The following MIER3 variants were observed in gnomAD, a reference collection of about 807,000 sequenced individuals.
MIER3 encodes mesoderm induction early response protein 3.
Under a neutral mutation model 63.2 loss-of-function variants are expected in MIER3, and 9 were observed. The ratio of observed to expected loss-of-function variants is 0.14; its 90% confidence interval spans 0.09 to 0.25. MIER3 has a LOEUF of 0.25. Among genes scored for constraint, MIER3 ranks in the 10% least tolerant of loss-of-function variants. The probability of loss-of-function intolerance (pLI) is 1.00; values close to 1 mark genes in which losing one functional copy is unlikely to be tolerated. For missense variants in MIER3, 512 were observed against 666.2 expected (o/e 0.77, Z 2.55); for synonymous variants, 205 against 224.9 (o/e 0.91, Z 0.79).
intron 1 of MIER3, among the ~76,000 whole-genome samples, chr5:56,951,450 G>A (rs1751026240): frequency 1.3e-5 from 2 of 152,130 alleles, no homozygotes; most frequent in Admixed American, 1.3e-4. Context: ...CTCTCCTGGA[G>A]AGGGCGTCGA....
chr5:56,941,649 G>C (rs1270953002), intron 3 of MIER3: 3 of 152,234 alleles, frequency 2.0e-5, no homozygotes, highest in Non-Finnish European at 2.9e-5. Context: ...GGGCCTCAGG[G>C]CCAGGGAAAG....
At chr5:56,931,662 G>A (rs1750271595) in intron 8 of MIER3, among the ~76,000 whole-genome samples, 1 of 152,120 alleles carries the variant, frequency 6.6e-6, no homozygotes. Flanking sequence ...TATTCTTAAT[G>A]TAAAAACCTT....
chr5:56,930,375 A>G (rs1247807777), intron 9 of MIER3, among the ~76,000 whole-genome samples: 2 of 151,692 alleles, frequency 1.3e-5, no homozygotes, highest in African/African-American at 4.8e-5. Context: ...TCATAAAACC[A>G]TTCTTTTTAA....
Position 56,947,009 on chromosome 5 carries a change from A to G in MIER3, c.97T>C (p.Tyr33His). The change falls in exon 3 of 13, where the codon TAT becomes CAT. Residue 33 changes from tyrosine (Y) to histidine (H), a missense_variant. Tyr to His is a moderately conservative substitution (Grantham distance 83). Transcript: ENST00000381199. The stretch of plus-strand genomic sequence containing the variant: ...TCTTCAAGAGTTCTTTCATCATCAT[A>G]GTCATGGACCAACATCTCAGCAGTG... The part of the protein sequence containing the change: ...DPTAEMLVHD[Y>H]DDERTLEEEE... 1 of 1,610,332 alleles carries G rather than the reference A, an allele frequency of 6.2e-7. No homozygotes were observed. Among genetic ancestry groups the G allele is most frequent in the Non-Finnish European group, 8.5e-7 (1 of 1,178,794 alleles).
chr5:56,925,084 A>G (rs1170036041), intron 10 of MIER3, among the ~76,000 whole-genome samples: 1 of 152,224 alleles, frequency 6.6e-6, no homozygotes, highest in Non-Finnish European at 1.5e-5. Context: ...GAATGGATAG[A>G]GTAAATTTCA....
intron 3 of MIER3, among the ~76,000 whole-genome samples, chr5:56,943,981 AT>A (rs1326980532): frequency 1.3e-5 from 2 of 152,182 alleles, no homozygotes; most frequent in Non-Finnish European, 2.9e-5. Flanking sequence ...AGAGAACCAG[AT>A]TTAGGGCAAA....
chr5:56,935,765 A>C lies in MIER3; in HGVS notation c.437-14T>G, dbSNP rs765475828. On this transcript the variant is annotated splice_polypyrimidine_tract_variant and intron_variant, in intron 5 of 12. Coordinates refer to ENST00000381199, the MANE Select transcript of MIER3 (RefSeq NM_001297599.2). Reference sequence around the variant, plus strand: ...ATGCAGTATTTGCTTAAAAGACAAAAATTAAAAAGGTTTTTACTGCCTATT... The same window carrying C: ...ATGCAGTATTTGCTTAAAAGACAAACATTAAAAAGGTTTTTACTGCCTATT... The C allele has an allele frequency of 2.5e-6, 4 of 1,606,174 alleles. No homozygotes were observed. Among genetic ancestry groups the C allele is most frequent in the South Asian group, 2.2e-5 (2 of 89,862 alleles).
intron 3 of MIER3, among the ~76,000 whole-genome samples, chr5:56,943,950 G>T (rs571126757): frequency 6.6e-6 from 1 of 152,146 alleles, no homozygotes; most frequent in South Asian, 2.1e-4. Context: ...TGTTCTGTAA[G>T]TCAAAGGATT....
chr5:56,923,575 G>C lies in MIER3; in HGVS notation c.1206C>G (p.Asn402Lys), dbSNP rs762510746. ...FTASDLTALT[N>K]SVATVCDPTD... Reference sequence around the variant, plus strand: ...TGGGGTCGCAGACGGTTGCTACACTGTTGGTCAAAGCTAAAAAGGAATGGA... The same window carrying C: ...TGGGGTCGCAGACGGTTGCTACACTCTTGGTCAAAGCTAAAAAGGAATGGA... The change falls in exon 13 of 13, where the codon AAC becomes AAG. Residue 402 changes from asparagine (N) to lysine (K), a missense_variant. Transcript: ENST00000381199. The C allele has an allele frequency of 1.2e-5, 19 of 1,612,804 alleles. No individual in the cohort carries two copies. Among genetic ancestry groups the C allele is most frequent in the Non-Finnish European group, 1.6e-5 (19 of 1,178,988 alleles).
chr5:56,942,018 G>GA (rs11401749), intron 3 of MIER3, among the ~76,000 whole-genome samples: 3,277 of 151,952 alleles, frequency 0.022, 125 homozygotes, highest in African/African-American at 0.076. Context: ...GGTTTTTGAA[G>GA]AAAAAAACAA....
At chr5:56,933,129 T>G in intron 8 of MIER3, 118 bp downstream of exon 8, 1 of 1,138,022 alleles carries the variant, frequency 8.8e-7, no homozygotes, top group Non-Finnish European at 1.2e-6. Context: ...TTTTGCATAT[T>G]TTAAAACTCT....
Position 56,952,083 on chromosome 5 carries a change from TC to T in MIER3, c.9+10del. On this transcript the variant is annotated intron_variant, in intron 1 of 12. Transcript: ENST00000381199. Reference sequence around the variant, plus strand: ...CCAGCCCGGCTGCTCCTGCCCGGTTTCCCTGCTCACCTCCGCCATATTGGTA... The same window carrying T: ...CCAGCCCGGCTGCTCCTGCCCGGTTTCCTGCTCACCTCCGCCATATTGGTA... 7.7e-7 allele frequency: 1 copy of T among 1,301,888 alleles called. No homozygotes were observed. Among genetic ancestry groups the T allele is most frequent in the South Asian group, 1.8e-5 (1 of 56,894 alleles). The allele number at this position is 1,301,888 out of a possible 1,614,324, so 80.6% of individuals were successfully genotyped here.
intron 10 of MIER3, among the ~76,000 whole-genome samples, chr5:56,927,039 A>G (rs1206048882): frequency 6.6e-6 from 1 of 152,210 alleles, no homozygotes; most frequent in Non-Finnish European, 1.5e-5. Flanking sequence ...TGAAATGGCA[A>G]CAGTACAGAC....
chr5:56,939,166 G>A lies in MIER3; in HGVS notation c.181-149C>T, dbSNP rs928745148. Reference sequence around the variant, plus strand: ...TTTCAGTTTTTCTTTTTGTGCTGTTGTCAGAAAACAGGACCAAACACCTGG... The same window carrying A: ...TTTCAGTTTTTCTTTTTGTGCTGTTATCAGAAAACAGGACCAAACACCTGG... On this transcript the variant is annotated intron_variant, in intron 3 of 12. Coordinates refer to ENST00000381199, the MANE Select transcript of MIER3 (RefSeq NM_001297599.2). The A allele has an allele frequency of 3.3e-5, 25 of 766,712 alleles. No homozygotes were observed. The African/African-American group carries it at 3.7e-4, about 11-fold the overall frequency. 47.5% of individuals were successfully genotyped at this position (766,712 alleles called of 1,614,324 possible). A position where few individuals can be genotyped will look rare whatever the true frequency, so the allele number is the denominator to read the frequency against.
intron 10 of MIER3, among the ~76,000 whole-genome samples, chr5:56,927,319 A>G (rs141413663): frequency 6.6e-5 from 10 of 152,286 alleles, no homozygotes; most frequent in Admixed American, 4.6e-4. Context: ...AATAAAAGAT[A>G]TAATAATAAC....
rs879111504 is a variant in MIER3, at chr5:56,935,459, A to C, written c.564T>G (p.Pro188=). The C allele has an allele frequency of 4.4e-6, 7 of 1,596,612 alleles. No individual in the cohort carries two copies. In the South Asian group the frequency reaches 8.1e-5, roughly 19 times the overall value. ...IGLQYQAEIP[P]YLGEYDGNEK... Reference sequence around the variant, plus strand: ...CATTACCATCGTACTCTCCAAGATAAGGGGGAATCTCTGCCTGATATTGTA... The same window carrying C: ...CATTACCATCGTACTCTCCAAGATACGGGGGAATCTCTGCCTGATATTGTA... Residue 188 remains proline, a synonymous_variant, in exon 7 of 13, where the codon CCT becomes CCG. Coordinates refer to ENST00000381199, the MANE Select transcript of MIER3 (RefSeq NM_001297599.2).
chr5:56,935,624 T>A, intron 6 of MIER3, 42 bp downstream of exon 6: 1 of 1,568,586 alleles, frequency 6.4e-7, no homozygotes, highest in Non-Finnish European at 8.7e-7. Context: ...TTCAGAAATA[T>A]TTTTAAAAGC....
At chr5:56,944,255 AG>A (rs1240673293) in intron 3 of MIER3, among the ~76,000 whole-genome samples, 1 of 152,062 alleles carries the variant, frequency 6.6e-6, no homozygotes, top group Non-Finnish European at 1.5e-5. Flanking sequence ...GCAGATCACG[AG>A]GTCAGGAGAT....
At chr5:56,943,860 C>G (rs1750736129) in intron 3 of MIER3, among the ~76,000 whole-genome samples, 1 of 152,184 alleles carries the variant, frequency 6.6e-6, no homozygotes, top group African/African-American at 2.4e-5. Context: ...GGATTTTTCT[C>G]TTCCTCTTCT....
Sources: allele counts gnomAD v4.1 joint callset (sites outside exome capture counted in the v4.1 genomes callset), GRCh38; gene constraint gnomAD v4.1.1; transcripts MANE v1.5; gene names NCBI Gene and HGNC (gene_info 2026-07-23, HGNC 2026-07-21).